Variants in PCDHA12 observed in about 807,000 individuals in gnomAD.
PCDHA12 encodes the protein protocadherin alpha 12.
Under a neutral mutation model 60.0 loss-of-function variants are expected in PCDHA12, and 44 were observed. That is an observed-to-expected ratio of 0.73 (90% CI 0.58 to 0.94). The LOEUF (loss-of-function observed/expected upper bound fraction) is 0.94, where lower values mean the gene tolerates loss of function less well. Ranked by LOEUF, PCDHA12 falls within the 40% of genes least tolerant of loss-of-function variation. The pLI, the probability that PCDHA12 is intolerant of heterozygous loss-of-function variation, is 0.00. For synonymous variants in PCDHA12, 569 were observed against 553.0 expected (o/e 1.03, Z -0.40); for missense variants, 1,276 against 1,239.7 (o/e 1.03, Z -0.44).
intron 1 of PCDHA12, among the ~76,000 whole-genome samples, chr5:140,896,047 G>T (rs1369678792): frequency 6.6e-6 from 1 of 152,138 alleles, no homozygotes; most frequent in Non-Finnish European, 1.5e-5. Context: ...CTGACCTCAG[G>T]TGATCCGCCT....
rs1485742296 is a variant in PCDHA12, at chr5:140,974,143, T to C, written c.2368-4806T>C. On this transcript the variant is annotated intron_variant, in intron 1 of 3. Transcript: ENST00000398631. ...GTTTTAAATCTGCTAACCTGAAAACTATACAAGGGTTTTTCTTTCAAGAAT... is the reference window on the plus strand; with the variant it reads ...GTTTTAAATCTGCTAACCTGAAAACCATACAAGGGTTTTTCTTTCAAGAAT... 2.0e-5 allele frequency among the ~76,000 whole-genome samples: 3 copies of C among 152,324 alleles called. No homozygotes were observed. The East Asian group carries it at 5.8e-4, about 29-fold the overall frequency.
At chr5:140,882,909 C>A in intron 1 of PCDHA12, 2 of 1,614,172 alleles carry the variant, frequency 1.2e-6, no homozygotes, top group Non-Finnish European at 1.7e-6. Context: ...TTACTGACAG[C>A]CAGTGATGGA....
chr5:140,943,321 G>A (rs1012061757), intron 1 of PCDHA12, among the ~76,000 whole-genome samples: 4 of 150,454 alleles, frequency 2.7e-5, no homozygotes, highest in Non-Finnish European at 5.9e-5. Context: ...TAGCAATATT[G>A]TGTAGTATCC....
At chr5:140,883,635 C>G (rs997170789) in intron 1 of PCDHA12, 13 of 1,613,058 alleles carry the variant, frequency 8.1e-6, no homozygotes, top group Non-Finnish European at 1.1e-5. Context: ...CCGGCGTTCG[C>G]GCAGCCCGAG....
chr5:141,011,876 A>G lies in PCDHA12; in HGVS notation c.*1939A>G, dbSNP rs2098422094. ...AATTTTGTTATAATGTACAATTTAG[A>G]AGTTTGATTAATTATATTATCTATT... On this transcript the variant is annotated 3_prime_UTR_variant, in exon 4 of 4. Coordinates refer to ENST00000398631, the MANE Select transcript of PCDHA12 (RefSeq NM_018903.4). 6.5e-6 allele frequency: 1 copy of G among 153,584 alleles called. No individual in the cohort carries two copies. The highest frequency in any genetic ancestry group is 2.4e-5 in the African/African-American group (1 of 41,298). 9.5% of individuals were successfully genotyped at this position (153,584 alleles called of 1,614,324 possible).
rs782516685 is a variant in PCDHA12, at chr5:140,883,846, G to T, written c.2367+6007G>T. ...ACGCGCTGCAGCCGTTGGACCACGAGGAGCTGGAGCTGTTGCAGTTCCAGG... is the reference window on the plus strand; with the variant it reads ...ACGCGCTGCAGCCGTTGGACCACGATGAGCTGGAGCTGTTGCAGTTCCAGG... On this transcript the variant is annotated intron_variant, in intron 1 of 3. Coordinates refer to ENST00000398631, the MANE Select transcript of PCDHA12 (RefSeq NM_018903.4). 7 of 1,612,790 alleles carry T rather than the reference G, an allele frequency of 4.3e-6. No individual in the cohort carries two copies. In the East Asian group the frequency reaches 1.3e-4, roughly 31 times the overall value.
rs797023184 is a variant in PCDHA12 at position 140,941,202 on chromosome 5, CCTTT to C, written c.2368-37739_2368-37736del. The stretch of plus-strand genomic sequence containing the variant: ...TCCTGCTTCTTTTTTTTTCTTTCTT[CCTTT>C]CTTTCTTCCTTTCTTTCTTTCTTTC... On this transcript the variant is annotated intron_variant, in intron 1 of 3. Transcript: ENST00000398631. Among the ~76,000 whole-genome samples, 914 of 122,710 alleles carry C rather than the reference CCTTT, an allele frequency of 7.4e-3. 14 individuals are homozygous for C. The highest frequency in any genetic ancestry group is 0.013 in the African/African-American group (444 of 33,832). The allele number at this position is 122,710 out of a possible 152,430, so 80.5% of individuals were successfully genotyped here. A position where few individuals can be genotyped will look rare whatever the true frequency, so the allele number is the denominator to read the frequency against.
At chr5:140,921,367 T>C (rs1165325497) in intron 1 of PCDHA12, among the ~76,000 whole-genome samples, 1 of 152,182 alleles carries the variant, frequency 6.6e-6, no homozygotes, top group African/African-American at 2.4e-5. Context: ...TCAAGTTTCA[T>C]ATTTCTACAT....
chr5:141,011,752 C>T lies in PCDHA12; in HGVS notation c.*1815C>T, dbSNP rs1051150394. On this transcript the variant is annotated 3_prime_UTR_variant, in exon 4 of 4. Transcript: ENST00000398631. ...CAAGCACAAATTTTACCAATCTGAC[C>T]TCTTTGAAGTTGCAGAATGCTTTGA... The T allele has an allele frequency of 6.5e-6, 1 of 153,662 alleles. No homozygotes were observed. The highest frequency in any genetic ancestry group is 6.5e-5 in the Admixed American group (1 of 15,272). The allele number at this position is 153,662 out of a possible 1,614,324, so 9.5% of individuals were successfully genotyped here. A position where few individuals can be genotyped will look rare whatever the true frequency, so the allele number is the denominator to read the frequency against.
At chr5:140,944,678 A>G (rs1483326984) in intron 1 of PCDHA12, among the ~76,000 whole-genome samples, 4 of 152,162 alleles carry the variant, frequency 2.6e-5, no homozygotes, top group African/African-American at 9.7e-5. Context: ...TATTCTGTGT[A>G]TCCTATTAAT....
At chr5:140,988,698 A>G (rs1563551697) in intron 3 of PCDHA12, among the ~76,000 whole-genome samples, 1 of 152,116 alleles carries the variant, frequency 6.6e-6, no homozygotes, top group East Asian at 1.9e-4. Context: ...GACGCTCTGT[A>G]TTTTCTTGGA....
chr5:140,935,045 G>T (rs1382389528), intron 1 of PCDHA12, among the ~76,000 whole-genome samples: 1 of 151,952 alleles, frequency 6.6e-6, no homozygotes, highest in Non-Finnish European at 1.5e-5. Flanking sequence ...TTGATTTCTG[G>T]TATTACAAGA....
At chr5:140,925,866 G>A (rs952823745) in intron 1 of PCDHA12, among the ~76,000 whole-genome samples, 2 of 152,002 alleles carry the variant, frequency 1.3e-5, no homozygotes, top group Admixed American at 1.3e-4. Flanking sequence ...TATTGCTATT[G>A]ACTGGTTTAT....
chr5:140,934,053 G>A (rs2089601827), intron 1 of PCDHA12, among the ~76,000 whole-genome samples: 1 of 151,758 alleles, frequency 6.6e-6, no homozygotes, highest in African/African-American at 2.4e-5. Flanking sequence ...GTCTTTCCAA[G>A]GCTAACTTTT....
chr5:141,000,805 G>C (rs1049253262), intron 3 of PCDHA12, among the ~76,000 whole-genome samples: 2 of 151,852 alleles, frequency 1.3e-5, no homozygotes, highest in Non-Finnish European at 2.9e-5. Context: ...TACTCAGAAG[G>C]CTGAGGTGGG....
At position 141,010,447 on chromosome 5, in the gene PCDHA12, A is replaced by G. The variant is rs1343052000; in HGVS notation, c.*510A>G. On this transcript the variant is annotated 3_prime_UTR_variant, in exon 4 of 4. Coordinates refer to ENST00000398631, the MANE Select transcript of PCDHA12 (RefSeq NM_018903.4). Reference sequence around the variant, plus strand: ...GGCAAGAAAACAAAGACAAATAAACAGCGGAAGTTATCAGTATGGAGGGGA... The same window carrying G: ...GGCAAGAAAACAAAGACAAATAAACGGCGGAAGTTATCAGTATGGAGGGGA... 2 of 935,278 alleles carry G rather than the reference A, an allele frequency of 2.1e-6. No homozygotes were observed. Among genetic ancestry groups the G allele is most frequent in the Non-Finnish European group, 3.1e-6 (2 of 648,428 alleles). The allele number at this position is 935,278 out of a possible 1,614,324, so 57.9% of individuals were successfully genotyped here.
chr5:140,993,596 A>G (rs562427268), intron 3 of PCDHA12, among the ~76,000 whole-genome samples: 53 of 152,194 alleles, frequency 3.5e-4, no homozygotes, highest in Admixed American at 2.6e-4. Flanking sequence ...CTTGGCTCCA[A>G]TAGAGAATTT....
At chr5:141,007,613 T>C (rs1351675120) in intron 3 of PCDHA12, among the ~76,000 whole-genome samples, 1 of 152,056 alleles carries the variant, frequency 6.6e-6, no homozygotes, top group Non-Finnish European at 1.5e-5. Context: ...GAAGCAGATA[T>C]AGGAGAGGTC....
intron 1 of PCDHA12, chr5:140,927,000 A>G (rs1554203899): frequency 1.2e-6 from 2 of 1,612,352 alleles, no homozygotes; most frequent in Non-Finnish European, 1.7e-6. Flanking sequence ...GCGTAGCCGT[A>G]GGCAATCTCT....
Sources: gnomAD v4.1 joint callset for allele counts (sites outside exome capture counted in the v4.1 genomes callset) on GRCh38, gnomAD v4.1.1 for gene constraint, MANE v1.5 for transcripts, NCBI Gene and HGNC (gene_info 2026-07-23, HGNC 2026-07-21) for gene names.